ERICH1: variants seen among roughly 807,000 people sequenced by gnomAD.
ERICH1 encodes glutamate rich 1.
A neutral mutation model predicts 39.6 loss-of-function variants in ERICH1; 56 were observed. That is an observed-to-expected ratio of 1.41 (90% CI 1.14 to 1.77). ERICH1 has a LOEUF of 1.77. ERICH1 is among the 40% of genes most tolerant of loss of function. The pLI is 0.00. For synonymous variants in ERICH1, 313 were observed against 223.6 expected, an observed-to-expected ratio of 1.40 and a Z score of -3.57; for missense variants, 826 against 575.4, an observed-to-expected ratio of 1.44 and a Z score of -4.45.
intron 3 of ERICH1, among the ~76,000 whole-genome samples, chr8:621,842 A>C (rs186530931): frequency 1.3e-5 from 2 of 152,376 alleles, no homozygotes; most frequent in East Asian, 3.9e-4. Context: ...AGTTAAATAC[A>C]ATTCCTAGAA....
intron 3 of ERICH1, among the ~76,000 whole-genome samples, chr8:642,792 G>T (rs542109650): frequency 6.6e-6 from 1 of 152,078 alleles, no homozygotes; most frequent in Non-Finnish European, 1.5e-5. Context: ...TGAGTGAGCC[G>T]ATGTGTGCCG....
chr8:673,336 C>G lies in ERICH1; in HGVS notation c.1016G>C (p.Ser339Thr), dbSNP rs1440071381. 1 of 1,613,822 alleles carries G rather than the reference C, an allele frequency of 6.2e-7. No homozygotes were observed. Among genetic ancestry groups the G allele is most frequent in the Admixed American group, 1.7e-5 (1 of 60,014 alleles). ...TGTTGACTTCAAAAAATTTAGAATA[C>G]TGTGTGCCTTTTCATTGGTAATTGT... Reference protein sequence around the residue: ...DDTITNEKAHSILNFLKSTQE... With the variant: ...DDTITNEKAHTILNFLKSTQE... Residue 339 changes from serine (S) to threonine (T), a missense_variant, in exon 4 of 6, where the codon AGT becomes ACT. Transcript: ENST00000262109.
chr8:655,926 C>T (rs769320849), intron 3 of ERICH1, among the ~76,000 whole-genome samples: 4 of 152,122 alleles, frequency 2.6e-5, no homozygotes, highest in African/African-American at 4.8e-5. Context: ...ATGCTGTTCT[C>T]GCAGTTACAC....
Position 673,661 on chromosome 8 carries a change from C to G in ERICH1, c.691G>C (p.Glu231Gln), listed in dbSNP as rs757444328. ...AGEEDVKDTR[E>Q]EDGADASEED... is the part of the protein sequence containing the mutation. ...TCGCTAGCGTCCGCACCATCTTCCT[C>G]CCTGGTATCTTTAACGTCTTCCTCC... Residue 231 changes from glutamate (E) to glutamine (Q), a missense_variant, in exon 4 of 6, where the codon GAG (glutamate) becomes CAG (glutamine). Coordinates refer to ENST00000262109, the MANE Select transcript of ERICH1 (RefSeq NM_207332.3). 2.5e-6 allele frequency: 4 copies of G among 1,612,932 alleles called. No individual in the cohort carries two copies. Among genetic ancestry groups the G allele is most frequent in the Non-Finnish European group, 3.4e-6 (4 of 1,179,460 alleles).
At position 673,315 on chromosome 8, in the gene ERICH1, G is replaced by T; in HGVS notation, c.1037C>A (p.Ser346Ter). 1.2e-6 allele frequency: 2 copies of T among 1,608,594 alleles called. No homozygotes were observed. The highest frequency in any genetic ancestry group is 1.7e-6 in the Non-Finnish European group (2 of 1,175,270). Reference sequence around the variant, plus strand: ...GTCATAAAAATACATTTCCTGTGTTGACTTCAAAAAATTTAGAATACTGTG... The same window carrying T: ...GTCATAAAAATACATTTCCTGTGTTTACTTCAAAAAATTTAGAATACTGTG... ...KAHSILNFLK[S>*]TQEMYFYDGV... Residue 346 changes from serine to a stop codon, truncating the protein, a stop_gained, in exon 4 of 6, where the codon TCA becomes TAA. Coordinates refer to ENST00000262109, the MANE Select transcript of ERICH1 (RefSeq NM_207332.3). LOFTEE classifies it high-confidence loss of function.
At chr8:638,318 C>T (rs921633415) in intron 3 of ERICH1, among the ~76,000 whole-genome samples, 2 of 152,206 alleles carry the variant, frequency 1.3e-5, no homozygotes, top group African/African-American at 4.8e-5. Context: ...AGCTCAGCAC[C>T]AGACAGCCAC....
rs555099568 is a variant in ERICH1, at chr8:654,408, G to A, written c.976+14190C>T. Among the ~76,000 whole-genome samples, 535 of 152,170 alleles carry A rather than the reference G, an allele frequency of 3.5e-3. 5 individuals are homozygous for A. Among genetic ancestry groups the A allele is most frequent in the African/African-American group, 0.012 (493 of 41,526 alleles). ...GGGACTGGAGGGGCAGAGCTGGGAC[G>A]GGGCCTCCTCGAGGGGCTACGGTGC... On this transcript the variant is annotated intron_variant, in intron 3 of 3. Transcript: ENST00000522706.
intron 2 of ERICH1, among the ~76,000 whole-genome samples, chr8:705,845 C>T (rs988030398): frequency 2.0e-5 from 3 of 152,114 alleles, no homozygotes; most frequent in African/African-American, 2.4e-5. Context: ...AAAGGCTGGC[C>T]GCATGGGGGA....
intron 3 of ERICH1, among the ~76,000 whole-genome samples, chr8:679,381 C>G (rs1805597060): frequency 6.7e-6 from 1 of 148,438 alleles, no homozygotes. Flanking sequence ...TCACAGCACC[C>G]ACCCCTCACA....
intron 3 of ERICH1, among the ~76,000 whole-genome samples, chr8:624,886 C>T (rs980312171): frequency 3.9e-5 from 6 of 152,052 alleles, no homozygotes; most frequent in African/African-American, 1.4e-4. Flanking sequence ...GCCACCATGC[C>T]TGGCTAATTT....
At chr8:622,657 C>G (rs1275146920) in intron 3 of ERICH1, among the ~76,000 whole-genome samples, 1 of 152,104 alleles carries the variant, frequency 6.6e-6, no homozygotes, top group African/African-American at 2.4e-5. Flanking sequence ...CAAATTCTAT[C>G]AGACATTTAA....
At chr8:652,204 C>T (rs1669722) in intron 3 of ERICH1, among the ~76,000 whole-genome samples, 31,635 of 145,812 alleles carry the variant, frequency 0.22, 4,558 homozygotes, top group African/African-American at 0.39. Flanking sequence ...CTGAATCCGA[C>T]GCCTGAAGAC....
At chr8:660,014 C>T (rs1235034084), downstream of ERICH1, among the ~76,000 whole-genome samples, 4 of 152,264 alleles carry the variant, frequency 2.6e-5, no homozygotes, top group Non-Finnish European at 5.9e-5. Context: ...AAGGGGGCAG[C>T]CCCTCATCAA....
chr8:717,786 C>T lies in ERICH1; in HGVS notation c.23-1779G>A, dbSNP rs140873763. Among the ~76,000 whole-genome samples, 829 of 152,312 alleles carry T rather than the reference C, an allele frequency of 5.4e-3. 8 individuals are homozygous for T. The highest frequency in any genetic ancestry group is 0.019 in the African/African-American group (791 of 41,562). ...ACAGCTGCCTGCGAGTGTCTGGAGCCAGGAAAATGCTATGGAGAAATCCCA... is the reference window on the plus strand; with the variant it reads ...ACAGCTGCCTGCGAGTGTCTGGAGCTAGGAAAATGCTATGGAGAAATCCCA... On this transcript the variant is annotated intron_variant, in intron 1 of 5. Transcript: ENST00000262109.
At chr8:639,626 G>C (rs11775770) in intron 3 of ERICH1, among the ~76,000 whole-genome samples, 44,228 of 131,466 alleles carry the variant, frequency 0.34, 8,035 homozygotes, top group South Asian at 0.42. Context: ...CACCAATCCA[G>C]TTAGCAGACA....
chr8:706,873 A>G (rs758330504), intron 2 of ERICH1, among the ~76,000 whole-genome samples: 3 of 152,220 alleles, frequency 2.0e-5, no homozygotes, highest in Non-Finnish European at 4.4e-5. Flanking sequence ...AGACATCCTA[A>G]AGCTAGGGAC....
At chr8:715,574 G>T (rs1815742708) in intron 2 of ERICH1, among the ~76,000 whole-genome samples, 1 of 152,258 alleles carries the variant, frequency 6.6e-6, no homozygotes, top group South Asian at 2.1e-4. Flanking sequence ...TCAGAGGACA[G>T]GAAGGCTGGC....
At chr8:729,944 T>C (rs1351051135) in intron 1 of ERICH1, among the ~76,000 whole-genome samples, 6 of 152,134 alleles carry the variant, frequency 3.9e-5, no homozygotes, top group Admixed American at 1.3e-4. Flanking sequence ...TGTTGTGGTT[T>C]AAAACAAGGA....
At chr8:717,358 C>A (rs918981675) in intron 1 of ERICH1, among the ~76,000 whole-genome samples, 19 of 152,324 alleles carry the variant, frequency 1.2e-4, no homozygotes, top group African/African-American at 4.3e-4. Context: ...CCCACCCCTA[C>A]AGAAAGGCCT....
Sources: gnomAD v4.1 joint callset for allele counts (sites outside exome capture counted in the v4.1 genomes callset) on GRCh38, gnomAD v4.1.1 for gene constraint, MANE v1.5 for transcripts, NCBI Gene and HGNC (gene_info 2026-07-23, HGNC 2026-07-21) for gene names.